DMGDH: variants seen among roughly 807,000 people sequenced by gnomAD.
DMGDH encodes dimethylglycine dehydrogenase, mitochondrial.
A neutral mutation model predicts 95.2 loss-of-function variants in DMGDH; 76 were observed. The ratio of observed to expected loss-of-function variants is 0.80; its 90% CI spans 0.66 to 0.97. The LOEUF (loss-of-function observed/expected upper bound fraction) is 0.97, where lower values mean the gene tolerates loss of function less well. Among genes scored for constraint, DMGDH ranks in the 50% least tolerant of loss-of-function variants. The pLI is 0.00. For missense variants in DMGDH, 987 were observed against 1,055.0 expected (o/e 0.94, Z 0.89); for synonymous variants, 345 against 377.6 (o/e 0.91, Z 1.00).
chr5:79,051,180 G>GCTT (rs770400904), intron 5 of DMGDH, 107 bp downstream of exon 5: 154 of 1,197,246 alleles, frequency 1.3e-4, no homozygotes, highest in Non-Finnish European at 1.9e-4. Context: ...TAACTTGGGA[G>GCTT]CATCACAGTG....
chr5:79,069,469 C>A (rs1755483606), intron 1 of DMGDH, 51 bp downstream of exon 1: 1 of 1,164,456 alleles, frequency 8.6e-7, no homozygotes, highest in African/African-American at 1.6e-5. Context: ...CCTCTGGCTC[C>A]CACCCCCGCA....
At chr5:79,008,195 G>A (rs1338416234) in intron 14 of DMGDH, among the ~76,000 whole-genome samples, 1 of 152,182 alleles carries the variant, frequency 6.6e-6, no homozygotes, top group Non-Finnish European at 1.5e-5. Flanking sequence ...CTTTGATAGA[G>A]GTATGGACAG....
At chr5:79,059,895 C>T (rs1416087936) in intron 2 of DMGDH, among the ~76,000 whole-genome samples, 1 of 152,186 alleles carries the variant, frequency 6.6e-6, no homozygotes, top group Non-Finnish European at 1.5e-5. Flanking sequence ...TAATACAACA[C>T]TCCAAAGTTC....
At chr5:79,008,442 C>T (rs1185191288) in intron 14 of DMGDH, among the ~76,000 whole-genome samples, 4 of 152,190 alleles carry the variant, frequency 2.6e-5, no homozygotes, top group Non-Finnish European at 5.9e-5. Flanking sequence ...AGGCAATCAA[C>T]AAACTGGTTA....
intron 6 of DMGDH, 95 bp from the exon 7 acceptor site, chr5:79,042,576 T>TGTA: frequency 8.1e-7 from 1 of 1,241,416 alleles, no homozygotes; most frequent in Non-Finnish European, 1.2e-6. Flanking sequence ...CATTTAAAGA[T>TGTA]GGCCTGTTAG....
rs116759447 is a variant in DMGDH, at chr5:79,063,186, G to A, written c.276+427C>T. On this transcript the variant is annotated intron_variant, in intron 2 of 15. Coordinates refer to ENST00000255189, the MANE Select transcript of DMGDH (RefSeq NM_013391.3). Reference sequence around the variant, plus strand: ...AGGGGAGTATAGGTAAAGATCTTGGGCCCATATCCAGGCTCACCCAGACAG... The same window carrying A: ...AGGGGAGTATAGGTAAAGATCTTGGACCCATATCCAGGCTCACCCAGACAG... 5.7e-3 allele frequency among the ~76,000 whole-genome samples: 861 copies of A among 152,152 alleles called. 5 individuals are homozygous for A. The highest frequency in any genetic ancestry group is 0.019 in the African/African-American group (809 of 41,504).
intron 14 of DMGDH, among the ~76,000 whole-genome samples, chr5:79,007,284 A>G (rs953147167): frequency 6.6e-6 from 1 of 152,224 alleles, no homozygotes; most frequent in Non-Finnish European, 1.5e-5. Flanking sequence ...GTCCACTTAC[A>G]TGTGGATTTT....
Position 79,029,792 on chromosome 5 carries a change from G to T in DMGDH, c.1814+112C>A, listed in dbSNP as rs1399123328. On this transcript the variant is annotated intron_variant, in intron 11 of 15. Transcript: ENST00000255189. ...AATAAAGTTTATTTGAAACAATCAG[G>T]TTTAAGAAGAAATAAAGTTGTACTT... is the stretch of plus-strand genomic sequence containing the variant. 5.2e-6 allele frequency: 6 copies of T among 1,145,100 alleles called. No individual in the cohort carries two copies. In the East Asian group the frequency reaches 1.3e-4, roughly 25 times the overall value. 70.9% of individuals were successfully genotyped at this position (1,145,100 alleles called of 1,614,324 possible).
In DMGDH at chr5:79,051,421, G is replaced by A. The variant is rs1321737968; in HGVS notation, c.611C>T (p.Ala204Val). ...AAGGGCACCACATTTCCTAGCCCCA[G>A]CAGCCAGTGCCATAGTTAGAGAATA... ...DPYSLTMALA[A>V]GARKCGALLK... Residue 204 changes from alanine (A) to valine (V), a missense_variant, in exon 5 of 16, where the codon GCT becomes GTT. Coordinates refer to ENST00000255189, the MANE Select transcript of DMGDH (RefSeq NM_013391.3). 4 of 1,614,134 alleles carry A rather than the reference G, an allele frequency of 2.5e-6. 1 individual carries two copies. The South Asian group carries it at 4.4e-5, about 18-fold the overall frequency.
At chr5:79,003,184 G>A (rs1420105562) in intron 15 of DMGDH, among the ~76,000 whole-genome samples, 1 of 152,142 alleles carries the variant, frequency 6.6e-6, no homozygotes, top group African/African-American at 2.4e-5. Flanking sequence ...GAAGTACTGA[G>A]AAAACTGAAT....
At chr5:79,036,696 G>C (rs755155038) in intron 7 of DMGDH, among the ~76,000 whole-genome samples, 12 of 152,140 alleles carry the variant, frequency 7.9e-5, no homozygotes, top group Non-Finnish European at 1.6e-4. Context: ...AAGAATTACA[G>C]ATATTATTAT....
Position 79,024,324 on chromosome 5 carries a change from A to C in DMGDH, c.2197T>G (p.Cys733Gly). The change falls in exon 14 of 16, where the codon TGT becomes GGT. Residue 733 changes from cysteine (C) to glycine (G), a missense_variant. Physicochemically the swap from Cys to Gly is radical, Grantham distance 159 (BLOSUM62 -3). Transcript: ENST00000255189. ...CCAGCTTCCAAAGGATTTGTATCAC[A>C]GTTCATCTAAAAAGGAAACACACAT... is the stretch of plus-strand genomic sequence containing the variant. The part of the protein sequence containing the change: ...AFRAWGLEMN[C>G]DTNPLEAGLE... The C allele has an allele frequency of 6.2e-7, 1 of 1,613,530 alleles. No individual in the cohort carries two copies. The highest frequency in any genetic ancestry group is 8.5e-7 in the Non-Finnish European group (1 of 1,179,608).
At chr5:79,032,639 G>A in intron 9 of DMGDH, 48 bp downstream of exon 9, 5 of 1,613,090 alleles carry the variant, frequency 3.1e-6, no homozygotes, top group Non-Finnish European at 4.2e-6. Flanking sequence ...CTGTCCCGTT[G>A]TTTCACCCCT....
At chr5:79,061,851 G>A (rs190497448) in intron 2 of DMGDH, among the ~76,000 whole-genome samples, 50 of 152,256 alleles carry the variant, frequency 3.3e-4, no homozygotes, top group African/African-American at 1.2e-3. Context: ...TGTGCTTATA[G>A]TGAGCTATGA....
At chr5:79,063,860 C>G in intron 1 of DMGDH, 73 bp from the exon 2 acceptor site, 2 of 1,475,556 alleles carry the variant, frequency 1.4e-6, no homozygotes, top group Non-Finnish European at 1.9e-6. Context: ...AAGCACTTCC[C>G]CTTACCCGTT....
At chr5:79,033,151 G>T in intron 8 of DMGDH, 88 bp downstream of exon 8, 2 of 1,541,572 alleles carry the variant, frequency 1.3e-6, no homozygotes, top group South Asian at 1.1e-5. Context: ...CGCCATCCCA[G>T]TGAATAGAAT....
At chr5:79,045,497 T>A (rs916624408) in intron 5 of DMGDH, among the ~76,000 whole-genome samples, 21 of 152,222 alleles carry the variant, frequency 1.4e-4, no homozygotes, top group Non-Finnish European at 4.4e-5. Flanking sequence ...ACACTGGACA[T>A]CCTGTAATCA....
chr5:79,035,056 CAAAAAAAAAAAAA>C (rs10586049), intron 7 of DMGDH, among the ~76,000 whole-genome samples: 3 of 78,350 alleles, frequency 3.8e-5, no homozygotes, highest in Non-Finnish European at 4.9e-5. Flanking sequence ...GACTCCATCT[CAAAAAAAAAAAAA>C]AAAAAAAAAG....
At position 79,060,976 on chromosome 5, in the gene DMGDH, C is replaced by A. The variant is rs1879618; in HGVS notation, c.276+2637G>T. On this transcript the variant is annotated intron_variant, in intron 2 of 15. Transcript: ENST00000255189. ...GTGGCTCAAGCCTATAATCCCAGCA[C>A]TTTGGGAGGCTTAAGTGGGAGGACT... Among the ~76,000 whole-genome samples, 1,118 of 151,478 alleles carry A rather than the reference C, an allele frequency of 7.4e-3. 15 individuals are homozygous for A. Among genetic ancestry groups the A allele is most frequent in the African/African-American group, 0.026 (1,075 of 41,260 alleles).
Sources: gnomAD v4.1 joint callset for allele counts (sites outside exome capture counted in the v4.1 genomes callset) on GRCh38, gnomAD v4.1.1 for gene constraint, MANE v1.5 for transcripts, NCBI Gene and HGNC (gene_info 2026-07-23, HGNC 2026-07-21) for gene names.